Variants in LRP2 observed in about 807,000 individuals in gnomAD.
LRP2 encodes low-density lipoprotein receptor-related protein 2.
LRP2 carries 172 observed loss-of-function variants against 531.0 expected under a neutral mutation model. The ratio of observed to expected loss-of-function variants is 0.32; its 90% CI spans 0.29 to 0.37. LRP2 has a LOEUF of 0.37. Ranked by LOEUF, LRP2 falls within the 10% of genes least tolerant of loss-of-function variation. LRP2 has a pLI of 1.00. For synonymous variants in LRP2, 1,992 were observed against 2,027.6 expected, an observed-to-expected ratio of 0.98 and a Z score of 0.47; for missense variants, 5,167 against 5,868.3, an observed-to-expected ratio of 0.88 and a Z score of 3.90.
chr2:169,140,304 G>C, intron 72 of LRP2, 151 bp downstream of exon 72: 1 of 696,222 alleles, frequency 1.4e-6, no homozygotes, highest in Admixed American at 2.1e-5. Flanking sequence ...TCAGTTCTCT[G>C]TAGACTCCCT....
intron 16 of LRP2, among the ~76,000 whole-genome samples, chr2:169,269,996 C>A (rs1481357278): frequency 1.3e-5 from 2 of 151,968 alleles, no homozygotes; most frequent in African/African-American, 2.4e-5. Context: ...GCAACAGACA[C>A]AAGAAAAAAT....
Position 169,157,429 on chromosome 2 carries a change from A to G in LRP2, c.11961T>C (p.Phe3987=). Reference sequence around the variant, plus strand: ...CGAACCCAGCTGTACAGGAGCAGATAAATCCTCCTTCATTTAATTGGGTAC... The same window carrying G: ...CGAACCCAGCTGTACAGGAGCAGATGAATCCTCCTTCATTTAATTGGGTAC... ...QNCTQLNEGG[F]ICSCTAGFET... is the part of the protein sequence containing the mutation. Residue 3987 remains phenylalanine, a synonymous_variant, in exon 64 of 79, where the codon TTT becomes TTC. Transcript: ENST00000649046. The G allele has an allele frequency of 6.7e-7, 1 of 1,496,256 alleles. No individual in the cohort carries two copies. Among genetic ancestry groups the G allele is most frequent in the Non-Finnish European group, 9.3e-7 (1 of 1,075,716 alleles). 92.7% of individuals were successfully genotyped at this position (1,496,256 alleles called of 1,614,324 possible).
intron 3 of LRP2, among the ~76,000 whole-genome samples, chr2:169,317,022 A>G (rs1359957074): frequency 6.6e-6 from 1 of 152,206 alleles, no homozygotes; most frequent in Non-Finnish European, 1.5e-5. Flanking sequence ...TGGTAACTTT[A>G]GTGAATACAG....
rs369245716 is a variant in LRP2, at chr2:169,173,982, C to T, written c.10951G>A (p.Ala3651Thr). The change falls in exon 56 of 79, where the codon GCC becomes ACC. Residue 3651 changes from alanine to threonine, a missense_variant. Ala to Thr is a moderately conservative substitution (Grantham distance 58). Transcript: ENST00000649046. ...RCANGRCIPQAWKCDVDNDCG... is the reference protein window; with the variant it reads ...RCANGRCIPQTWKCDVDNDCG... Reference sequence around the variant, plus strand: ...TCATTATCCACATCACACTTCCAGGCCTGCGGGATGCAGCGGCCATTAGCA... The same window carrying T: ...TCATTATCCACATCACACTTCCAGGTCTGCGGGATGCAGCGGCCATTAGCA... 1.1e-5 allele frequency: 18 copies of T among 1,614,248 alleles called. No homozygotes were observed. The highest frequency in any genetic ancestry group is 1.4e-5 in the Non-Finnish European group (17 of 1,180,038).
chr2:169,258,358 T>C (rs546020773), intron 17 of LRP2, among the ~76,000 whole-genome samples: 19 of 152,236 alleles, frequency 1.2e-4, no homozygotes, highest in African/African-American at 4.6e-4. Context: ...AGATTATATA[T>C]CTAACGGAAG....
chr2:169,320,990 C>A (rs1684894935), intron 1 of LRP2, 106 bp from the exon 2 acceptor site: 2 of 752,704 alleles, frequency 2.7e-6, no homozygotes, highest in Non-Finnish European at 4.6e-6. Flanking sequence ...ATTAGATAAT[C>A]AAAGAAATGC....
chr2:169,297,118 T>C (rs1410817095), intron 4 of LRP2, among the ~76,000 whole-genome samples: 2 of 152,062 alleles, frequency 1.3e-5, no homozygotes, highest in Non-Finnish European at 2.9e-5. Flanking sequence ...TTCTGAATGG[T>C]TTTCCCTCTT....
At chr2:169,341,288 G>A (rs1392507746) in intron 1 of LRP2, among the ~76,000 whole-genome samples, 5 of 151,928 alleles carry the variant, frequency 3.3e-5, no homozygotes, top group Admixed American at 2.0e-4. Context: ...AAGATCATAC[G>A]TGAGGCAGAT....
chr2:169,289,145 C>T lies in LRP2; in HGVS notation c.923G>A (p.Ser308Asn), dbSNP rs1311155581. The change falls in exon 9 of 79, where the codon AGT becomes AAT. Residue 308 changes from serine (S) to asparagine (N), a missense_variant and splice_region_variant. Physicochemically the swap from Ser to Asn is conservative, Grantham distance 46 (BLOSUM62 1). Transcript: ENST00000649046. The stretch of plus-strand genomic sequence containing the variant: ...GTTCAAGGCAGAGCACAGAGTCATA[C>T]CTAAACGAAGAAAAGAACTTTGTTA... ...ENNTSTGKYC[S>N]MTLCSALNCQ... 6.2e-7 allele frequency: 1 copy of T among 1,613,882 alleles called. No homozygotes were observed. Among genetic ancestry groups the T allele is most frequent in the Non-Finnish European group, 8.5e-7 (1 of 1,179,946 alleles).
chr2:169,149,023 T>C (rs1328341545), intron 68 of LRP2, among the ~76,000 whole-genome samples: 2 of 152,206 alleles, frequency 1.3e-5, no homozygotes, highest in Non-Finnish European at 2.9e-5. Flanking sequence ...AGGAGAACTA[T>C]CACAGTGTTT....
intron 6 of LRP2, 72 bp downstream of exon 6, chr2:169,294,076 T>TAAAAC: frequency 9.3e-7 from 1 of 1,076,630 alleles, no homozygotes; most frequent in Non-Finnish European, 1.4e-6. Flanking sequence ...AGCGGGGGGA[T>TAAAAC]AAAACAAAAC....
chr2:169,332,427 G>C (rs746510398), intron 1 of LRP2, among the ~76,000 whole-genome samples: 14 of 152,314 alleles, frequency 9.2e-5, no homozygotes, highest in Middle Eastern at 3.4e-3. Flanking sequence ...CAGAGAAAAA[G>C]AGGGCAGAAA....
At chr2:169,134,683 C>T (rs1163330630) in intron 76 of LRP2, among the ~76,000 whole-genome samples, 1 of 152,208 alleles carries the variant, frequency 6.6e-6, no homozygotes, top group African/African-American at 2.4e-5. Flanking sequence ...CTCACTCTTG[C>T]AAAGGGACTA....
intron 61 of LRP2, among the ~76,000 whole-genome samples, chr2:169,166,405 A>G (rs1317720320): frequency 6.6e-6 from 1 of 152,186 alleles, no homozygotes; most frequent in Non-Finnish European, 1.5e-5. Context: ...CTTCCCATAG[A>G]TTCTGAGTCA....
intron 1 of LRP2, among the ~76,000 whole-genome samples, chr2:169,344,229 C>A (rs1429701544): frequency 6.8e-6 from 1 of 146,656 alleles, no homozygotes; most frequent in East Asian, 2.1e-4. Context: ...ATCAACCCGT[C>A]ATCTACACTA....
intron 1 of LRP2, among the ~76,000 whole-genome samples, chr2:169,354,427 T>G (rs930367032): frequency 1.3e-5 from 2 of 152,228 alleles, no homozygotes; most frequent in African/African-American, 4.8e-5. Flanking sequence ...GCTCAACTAT[T>G]CAATGCACAG....
At position 169,233,526 on chromosome 2, in the gene LRP2, A is replaced by G. The variant is rs1689489207; in HGVS notation, c.4983T>C (p.Ala1661=). The change falls in exon 30 of 79, where the codon GCT becomes GCC. Residue 1661 remains alanine (A), a synonymous_variant. Coordinates refer to ENST00000649046, the MANE Select transcript of LRP2 (RefSeq NM_004525.3). ...FEDSVYWTDR[A]TRRVMRANKW... ...TGTTGGCTCGCATAACCCGACGAGT[A>G]GCACGGTCAGTCCAGTACACAGAGT... 1 of 1,614,058 alleles carries G rather than the reference A, an allele frequency of 6.2e-7. No individual in the cohort carries two copies. Among genetic ancestry groups the G allele is most frequent in the South Asian group, 1.1e-5 (1 of 91,082 alleles).
rs770065910 is a variant in LRP2 at position 169,362,328 on chromosome 2, A to G, written c.72T>C (p.Ser24=). Residue 24 remains serine, a synonymous_variant, in exon 1 of 79, where the codon AGT becomes AGC. Transcript: ENST00000649046. Reference sequence around the variant, plus strand: ...CTCTGGCTGGGCTCTTACCTTGGCCACTGGCCGGCGCTAGGCAGGCGACGA... The same window carrying G: ...CTCTGGCTGGGCTCTTACCTTGGCCGCTGGCCGGCGCTAGGCAGGCGACGA... ...LALVACLAPA[S]GQECDSAHFR... The G allele has an allele frequency of 6.4e-7, 1 of 1,561,246 alleles. No homozygotes were observed. Among genetic ancestry groups the G allele is most frequent in the East Asian group, 2.4e-5 (1 of 41,582 alleles).
intron 42 of LRP2, among the ~76,000 whole-genome samples, chr2:169,203,349 A>G (rs1688265521): frequency 6.6e-6 from 1 of 152,214 alleles, no homozygotes; most frequent in South Asian, 2.1e-4. Context: ...TCTTAAGCAG[A>G]AAATGTAAAT....
Sources: gnomAD v4.1 joint callset for allele counts (sites outside exome capture counted in the v4.1 genomes callset) on GRCh38, gnomAD v4.1.1 for gene constraint, MANE v1.5 for transcripts, NCBI Gene and HGNC (gene_info 2026-07-23, HGNC 2026-07-21) for gene names.